The following NRXN3 variants were observed in gnomAD, a reference collection of about 807,000 sequenced individuals.
The protein encoded by NRXN3 is neurexin 3.
Under a neutral mutation model 137.6 loss-of-function variants are expected in NRXN3, and 32 were observed. The ratio of observed to expected loss-of-function variants is 0.23; its 90% CI spans 0.18 to 0.31. The LOEUF (loss-of-function observed/expected upper bound fraction) is 0.31. NRXN3 is among the 10% of genes least tolerant of loss of function. The probability of loss-of-function intolerance (pLI) is 1.00; values close to 1 mark genes in which losing one functional copy is unlikely to be tolerated. For missense variants in NRXN3, 1,574 were observed against 2,062.5 expected (o/e 0.76, Z 4.59); for synonymous variants, 798 against 784.5 (o/e 1.02, Z -0.29).
chr14:78,375,409 T>C (rs2087638362), intron 4 of NRXN3, among the ~76,000 whole-genome samples: 1 of 152,226 alleles, frequency 6.6e-6, no homozygotes, highest in African/African-American at 2.4e-5. Context: ...TCTCAGTTGT[T>C]TGGCAATTCC....
At chr14:79,189,654 A>G (rs1346924223) in intron 15 of NRXN3, among the ~76,000 whole-genome samples, 2 of 152,046 alleles carry the variant, frequency 1.3e-5, no homozygotes, top group Non-Finnish European at 2.9e-5. Context: ...TTTTGTAGGG[A>G]CTTTTTCCTG....
At chr14:78,427,666 T>C (rs571337121) in intron 4 of NRXN3, among the ~76,000 whole-genome samples, 1 of 152,308 alleles carries the variant, frequency 6.6e-6, no homozygotes, top group East Asian at 1.9e-4. Context: ...GAGCAGAAGA[T>C]GGACATGGAG....
intron 4 of NRXN3, among the ~76,000 whole-genome samples, chr14:78,479,501 G>A (rs1465042005): frequency 1.3e-5 from 2 of 152,130 alleles, no homozygotes; most frequent in African/African-American, 4.8e-5. Context: ...AACTATTGAG[G>A]TCAAGACAAT....
chr14:78,763,920 G>C lies in NRXN3; in HGVS notation c.2045-39700G>C, dbSNP rs186824563. ...TTCTGGGAATCTGTTGCAACTTAGA[G>C]TTGCAAGGAATGAATGCGAAGACAC... On this transcript the variant is annotated intron_variant, in intron 8 of 20. Coordinates refer to ENST00000335750, the MANE Select transcript of NRXN3 (RefSeq NM_001330195.2). Among the ~76,000 whole-genome samples the C allele has an allele frequency of 8.3e-4, 126 of 152,312 alleles. 1 individual carries two copies. The highest frequency in any genetic ancestry group is 1.6e-3 in the Non-Finnish European group (112 of 68,036).
intron 15 of NRXN3, among the ~76,000 whole-genome samples, chr14:79,244,658 A>T (rs969529575): frequency 6.6e-6 from 1 of 152,168 alleles, no homozygotes; most frequent in Non-Finnish European, 1.5e-5. Flanking sequence ...TTTCCTTTGC[A>T]GACAACAAGA....
At chr14:78,477,611 A>C (rs2192414) in intron 4 of NRXN3, among the ~76,000 whole-genome samples, 151,669 of 152,326 alleles carry the variant, frequency 1, 75,510 homozygotes, top group Middle Eastern at 1. Flanking sequence ...TCAGCCTTGA[A>C]TAACTTTAAA....
intron 16 of NRXN3, among the ~76,000 whole-genome samples, chr14:79,575,021 G>A (rs2097651257): frequency 6.6e-6 from 1 of 152,072 alleles, no homozygotes; most frequent in South Asian, 2.1e-4. Flanking sequence ...ATGTGTGTCT[G>A]TGAAATGTGC....
intron 15 of NRXN3, among the ~76,000 whole-genome samples, chr14:79,389,402 A>G (rs1021347129): frequency 2.6e-5 from 4 of 152,220 alleles, no homozygotes; most frequent in African/African-American, 9.6e-5. Flanking sequence ...CAGGATGATA[A>G]TATTAATCCA....
intron 4 of NRXN3, among the ~76,000 whole-genome samples, chr14:78,611,511 C>G (rs1195775189): frequency 6.6e-6 from 1 of 151,756 alleles, no homozygotes; most frequent in African/African-American, 2.4e-5. Flanking sequence ...TGATGACTTA[C>G]AAGTTCCAAA....
intron 15 of NRXN3, among the ~76,000 whole-genome samples, chr14:79,082,709 G>A (rs1397545820): frequency 6.6e-6 from 1 of 152,012 alleles, no homozygotes; most frequent in African/African-American, 2.4e-5. Context: ...TATCATGCAC[G>A]TTACATCAGG....
chr14:78,342,515 T>C (rs981262207), intron 4 of NRXN3, among the ~76,000 whole-genome samples: 7 of 152,200 alleles, frequency 4.6e-5, no homozygotes, highest in African/African-American at 1.7e-4. Context: ...TCAGGTAAAT[T>C]GTATGTTTCA....
chr14:78,606,591 G>A (rs1292667687), intron 4 of NRXN3, among the ~76,000 whole-genome samples: 2 of 152,190 alleles, frequency 1.3e-5, no homozygotes, highest in East Asian at 3.8e-4. Flanking sequence ...GAAAAGCCAT[G>A]TTTTATTGAA....
chr14:79,612,107 A>C (rs1159998941), intron 16 of NRXN3, among the ~76,000 whole-genome samples: 1 of 152,200 alleles, frequency 6.6e-6, no homozygotes, highest in African/African-American at 2.4e-5. Flanking sequence ...ATTCACATAA[A>C]TCAATGCTAA....
At chr14:79,452,165 A>G (rs1389396029) in intron 15 of NRXN3, among the ~76,000 whole-genome samples, 1 of 152,170 alleles carries the variant, frequency 6.6e-6, no homozygotes, top group Admixed American at 6.5e-5. Context: ...ATCTAAGTGC[A>G]CATGGGGTAT....
intron 4 of NRXN3, among the ~76,000 whole-genome samples, chr14:78,468,186 A>G (rs1012778313): frequency 6.6e-6 from 1 of 152,162 alleles, no homozygotes; most frequent in Non-Finnish European, 1.5e-5. Context: ...TTGGTTAGGT[A>G]GATGTATCAG....
At chr14:78,694,469 C>T (rs1445636803) in intron 6 of NRXN3, among the ~76,000 whole-genome samples, 2 of 151,872 alleles carry the variant, frequency 1.3e-5, no homozygotes, top group Non-Finnish European at 2.9e-5. Context: ...CTATCTTCCC[C>T]AGATCATTCT....
chr14:78,600,059 A>T (rs954867871), intron 4 of NRXN3, among the ~76,000 whole-genome samples: 5 of 152,154 alleles, frequency 3.3e-5, no homozygotes, highest in African/African-American at 1.2e-4. Flanking sequence ...GACACATAAG[A>T]GAGGGAGTGC....
intron 4 of NRXN3, among the ~76,000 whole-genome samples, chr14:78,610,035 G>GGAGAGA (rs143182887): frequency 6.7e-6 from 1 of 148,398 alleles, no homozygotes; most frequent in Admixed American, 6.7e-5. Context: ...AGAGAGGGAG[G>GGAGAGA]GAGAGAGAGA....
Position 78,645,190 on chromosome 14 carries a change from C to A in NRXN3, c.828C>A (p.Ile276=). The part of the protein sequence containing the change: ...YLCYDLSQNP[I]QSSSDEITLS... ...GCTACGACCTGTCTCAGAACCCGAT[C>A]CAGAGCAGCAGTGATGAAATCACCC... The change falls in exon 5 of 21, where the codon ATC becomes ATA. Residue 276 remains isoleucine, a synonymous_variant. Coordinates refer to ENST00000335750, the MANE Select transcript of NRXN3 (RefSeq NM_001330195.2). 1.3e-6 allele frequency: 2 copies of A among 1,596,484 alleles called. No homozygotes were observed. Among genetic ancestry groups the A allele is most frequent in the Non-Finnish European group, 1.7e-6 (2 of 1,178,826 alleles).
Sources: gnomAD v4.1 joint callset for allele counts (sites outside exome capture counted in the v4.1 genomes callset) on GRCh38, gnomAD v4.1.1 for gene constraint, MANE v1.5 for transcripts, NCBI Gene and HGNC (gene_info 2026-07-23, HGNC 2026-07-21) for gene names.